The following PKIB variants were observed in gnomAD, a reference collection of about 807,000 sequenced individuals.
PKIB encodes the protein PKI-beta.
A neutral mutation model predicts 4.5 loss-of-function variants in PKIB; 2 were observed. That is an observed-to-expected ratio of 0.44 (90% CI 0.18 to 1.39). PKIB has a LOEUF of 1.39. PKIB is among the 40% of genes most tolerant of loss of function. The pLI, the probability that PKIB is intolerant of heterozygous loss-of-function variation, is 0.27. For missense variants in PKIB, 94 were observed against 92.6 expected, an observed-to-expected ratio of 1.02 and a Z score of -0.06; for synonymous variants, 38 against 36.0, an observed-to-expected ratio of 1.06 and a Z score of -0.20.
At chr6:122,640,319 G>A (rs1411105868) in intron 2 of PKIB, among the ~76,000 whole-genome samples, 4 of 152,166 alleles carry the variant, frequency 2.6e-5, no homozygotes, top group African/African-American at 7.2e-5. Flanking sequence ...TGTACAGTGA[G>A]AAATGCTAAA....
chr6:122,592,143 A>G (rs1280027445), intron 3 of PKIB, among the ~76,000 whole-genome samples: 1 of 151,994 alleles, frequency 6.6e-6, no homozygotes, highest in Non-Finnish European at 1.5e-5. Flanking sequence ...TACATTAAAA[A>G]ATAAATCTAA....
chr6:122,593,939 A>G (rs769636370), intron 3 of PKIB, among the ~76,000 whole-genome samples: 2 of 152,138 alleles, frequency 1.3e-5, no homozygotes, highest in Non-Finnish European at 2.9e-5. Flanking sequence ...CCTTCAATGC[A>G]ATCAAGTTGA....
intron 1 of PKIB, among the ~76,000 whole-genome samples, chr6:122,474,751 T>C (rs1775410110): frequency 1.3e-5 from 2 of 152,260 alleles, no homozygotes; most frequent in Non-Finnish European, 2.9e-5. Flanking sequence ...TGGAGTACTA[T>C]AGACAGGCTT....
At chr6:122,640,884 T>C (rs1022542245) in intron 2 of PKIB, among the ~76,000 whole-genome samples, 2 of 152,240 alleles carry the variant, frequency 1.3e-5, no homozygotes, top group African/African-American at 4.8e-5. Flanking sequence ...CTTCTCTTTG[T>C]TTTCATAGTC....
At chr6:122,610,107 T>G (rs1311127888), upstream of PKIB, 1 of 152,130 alleles carries the variant, frequency 6.6e-6, no homozygotes, top group African/African-American at 2.4e-5. Context: ...TAGCAGAACC[T>G]CATCATCGCC....
At chr6:122,609,641 G>A (rs1226133339), upstream of PKIB, among the ~76,000 whole-genome samples, 1 of 152,162 alleles carries the variant, frequency 6.6e-6, no homozygotes, top group African/African-American at 2.4e-5. Context: ...GGAGACCAGA[G>A]GAGATTTTAA....
intron 3 of PKIB, among the ~76,000 whole-genome samples, chr6:122,715,713 A>G (rs1293726996): frequency 6.6e-6 from 1 of 151,576 alleles, no homozygotes; most frequent in Non-Finnish European, 1.5e-5. Flanking sequence ...ATATATATGT[A>G]TATACACATA....
intron 2 of PKIB, among the ~76,000 whole-genome samples, chr6:122,649,054 A>C (rs1422770624): frequency 6.6e-6 from 1 of 152,230 alleles, no homozygotes; most frequent in Non-Finnish European, 1.5e-5. Flanking sequence ...CTTGATTATT[A>C]AAATTCTCCT....
chr6:122,659,753 A>G (rs1776914934), intron 2 of PKIB, among the ~76,000 whole-genome samples: 1 of 152,180 alleles, frequency 6.6e-6, no homozygotes, highest in African/African-American at 2.4e-5. Context: ...GTGTATCACT[A>G]GCATTGATTT....
At chr6:122,671,937 C>A (rs1028811496) in intron 2 of PKIB, among the ~76,000 whole-genome samples, 2 of 152,070 alleles carry the variant, frequency 1.3e-5, no homozygotes, top group Non-Finnish European at 2.9e-5. Flanking sequence ...TTTTACCAAA[C>A]CCTAGTACCA....
At chr6:122,698,444 G>A (rs1300272529) in intron 3 of PKIB, among the ~76,000 whole-genome samples, 3 of 152,112 alleles carry the variant, frequency 2.0e-5, no homozygotes, top group Admixed American at 1.3e-4. Flanking sequence ...CAGTAGCTGG[G>A]TACAGAGGGT....
chr6:122,655,485 A>G (rs1336078754), intron 2 of PKIB, among the ~76,000 whole-genome samples: 2 of 152,176 alleles, frequency 1.3e-5, no homozygotes, highest in Non-Finnish European at 2.9e-5. Context: ...TATGAACCAG[A>G]AAGCAGGCCC....
At chr6:122,590,692 C>A (rs2114723979) in intron 3 of PKIB, among the ~76,000 whole-genome samples, 1 of 152,196 alleles carries the variant, frequency 6.6e-6, no homozygotes, top group Admixed American at 6.5e-5. Flanking sequence ...CTCCATAGTG[C>A]ATTTTTCAAG....
intron 2 of PKIB, among the ~76,000 whole-genome samples, chr6:122,543,183 C>T (rs7453226): frequency 0.018 from 2,802 of 152,128 alleles, 286 homozygotes; most frequent in Admixed American, 0.17. Flanking sequence ...GGCAATGCCT[C>T]GCCCTGCTTT....
At chr6:122,656,968 A>G (rs1181272356) in intron 2 of PKIB, among the ~76,000 whole-genome samples, 2 of 152,226 alleles carry the variant, frequency 1.3e-5, no homozygotes, top group African/African-American at 2.4e-5. Flanking sequence ...ATTGTAAATT[A>G]TATATTTGAT....
At chr6:122,486,110 A>T (rs1775759485) in intron 2 of PKIB, among the ~76,000 whole-genome samples, 1 of 152,224 alleles carries the variant, frequency 6.6e-6, no homozygotes, top group African/African-American at 2.4e-5. Context: ...AAACAAATGT[A>T]GCTGATAAAT....
At chr6:122,674,629 C>T (rs1326812829) in intron 2 of PKIB, among the ~76,000 whole-genome samples, 1 of 152,098 alleles carries the variant, frequency 6.6e-6, no homozygotes, top group African/African-American at 2.4e-5. Context: ...CCTTAGAATA[C>T]TTATGGAGGG....
At chr6:122,551,948 G>A (rs1156766596) in intron 2 of PKIB, among the ~76,000 whole-genome samples, 1 of 124,012 alleles carries the variant, frequency 8.1e-6, no homozygotes, top group Non-Finnish European at 1.6e-5. Flanking sequence ...CCAGTCCTCC[G>A]TTTTTAGTCT....
intron 3 of PKIB, among the ~76,000 whole-genome samples, chr6:122,592,575 CTT>C (rs1774052141): frequency 6.6e-6 from 1 of 152,222 alleles, no homozygotes; most frequent in African/African-American, 2.4e-5. Flanking sequence ...TCCCACATCA[CTT>C]CTCTCACCCA....
Sources: gnomAD v4.1 joint callset for allele counts (sites outside exome capture counted in the v4.1 genomes callset) on GRCh38, gnomAD v4.1.1 for gene constraint, MANE v1.5 for transcripts, NCBI Gene and HGNC (gene_info 2026-07-23, HGNC 2026-07-21) for gene names.